Variants in CDH13 observed in about 807,000 individuals in gnomAD.
The protein encoded by CDH13 is cadherin-13.
A neutral mutation model predicts 63.8 loss-of-function variants in CDH13; 24 were observed. The observed-to-expected ratio is 0.38, with a 90% confidence interval of 0.27 to 0.53. CDH13 has a LOEUF of 0.53. Among genes scored for constraint, CDH13 ranks in the 20% least tolerant of loss-of-function variants. CDH13 has a pLI of 0.85. For synonymous variants in CDH13, 503 were observed against 355.3 expected, an observed-to-expected ratio of 1.42 and a Z score of -4.67; for missense variants, 1,049 against 903.1, an observed-to-expected ratio of 1.16 and a Z score of -2.07.
intron 3 of CDH13, among the ~76,000 whole-genome samples, chr16:83,035,288 G>A (rs1033895176): frequency 6.6e-6 from 1 of 152,096 alleles, no homozygotes; most frequent in Non-Finnish European, 1.5e-5. Flanking sequence ...GAGGGAATAC[G>A]AATGTGTGCA....
chr16:83,696,280 T>G (rs1162032042), intron 10 of CDH13, among the ~76,000 whole-genome samples: 1 of 152,204 alleles, frequency 6.6e-6, no homozygotes, highest in African/African-American at 2.4e-5. Context: ...CAGTAGAGTG[T>G]GCAGGTTCGT....
intron 5 of CDH13, among the ~76,000 whole-genome samples, chr16:83,259,167 G>C (rs992423570): frequency 6.6e-6 from 1 of 152,150 alleles, no homozygotes; most frequent in Non-Finnish European, 1.5e-5. Flanking sequence ...TCACTAAGAA[G>C]ATGAGTTGGA....
intron 7 of CDH13, among the ~76,000 whole-genome samples, chr16:83,511,742 A>G (rs2074571572): frequency 6.6e-6 from 1 of 152,184 alleles, no homozygotes; most frequent in African/African-American, 2.4e-5. Flanking sequence ...GAAATCGCAA[A>G]ATAAAAATGG....
At position 83,490,855 on chromosome 16, in the gene CDH13, C is replaced by T. The variant is rs146485431; in HGVS notation, c.960+4200C>T. On this transcript the variant is annotated intron_variant, in intron 7 of 13. Transcript: ENST00000567109. The stretch of plus-strand genomic sequence containing the variant: ...TGTGCGTTTTCCATTACACGCTCAT[C>T]CATTTACTTGTTCGGAAAACCCTAC... Among the ~76,000 whole-genome samples, 131 of 152,316 alleles carry T rather than the reference C, an allele frequency of 8.6e-4. No individual in the cohort carries two copies. The Middle Eastern group carries it at 0.01, about 12-fold the overall frequency.
chr16:83,566,117 G>A (rs1224702313), intron 7 of CDH13, among the ~76,000 whole-genome samples: 2 of 152,242 alleles, frequency 1.3e-5, no homozygotes, highest in East Asian at 3.9e-4. Context: ...GCCCTGAATG[G>A]TATGTTGGGC....
intron 5 of CDH13, among the ~76,000 whole-genome samples, chr16:83,291,474 A>G (rs2089464872): frequency 6.6e-6 from 1 of 152,210 alleles, no homozygotes; most frequent in Non-Finnish European, 1.5e-5. Context: ...AAATTGGGAC[A>G]AAGTCATCAT....
chr16:83,634,666 G>T (rs1911097977), intron 8 of CDH13, among the ~76,000 whole-genome samples: 1 of 152,136 alleles, frequency 6.6e-6, no homozygotes, highest in African/African-American at 2.4e-5. Context: ...CTCCCAAAGT[G>T]CTGGGATTAC....
chr16:83,193,523 A>G (rs1209926002), intron 4 of CDH13, among the ~76,000 whole-genome samples: 2 of 152,186 alleles, frequency 1.3e-5, no homozygotes, highest in Non-Finnish European at 2.9e-5. Flanking sequence ...ATGGGGAGGT[A>G]TAAGGACTCC....
intron 6 of CDH13, among the ~76,000 whole-genome samples, chr16:83,454,362 TA>T (rs1395507297): frequency 6.6e-6 from 1 of 152,238 alleles, no homozygotes; most frequent in East Asian, 1.9e-4. Flanking sequence ...CAGTTTGATT[TA>T]CCTTTTTTAA....
At chr16:82,894,575 G>C (rs1184988832) in intron 2 of CDH13, among the ~76,000 whole-genome samples, 1 of 152,220 alleles carries the variant, frequency 6.6e-6, no homozygotes, top group African/African-American at 2.4e-5. Context: ...CCAGGAGACA[G>C]AGGTTGCAGT....
At chr16:82,669,620 T>C (rs1912999075) in intron 1 of CDH13, among the ~76,000 whole-genome samples, 1 of 152,264 alleles carries the variant, frequency 6.6e-6, no homozygotes. Flanking sequence ...TGACTAATTG[T>C]AGTATGGCCC....
At chr16:83,100,832 G>T (rs1437600604) in intron 3 of CDH13, among the ~76,000 whole-genome samples, 1 of 152,288 alleles carries the variant, frequency 6.6e-6, no homozygotes, top group African/African-American at 2.4e-5. Context: ...GTAAATTTCA[G>T]CCCTCAGCCA....
At chr16:82,760,828 G>C (rs1301536410) in intron 1 of CDH13, among the ~76,000 whole-genome samples, 1 of 151,898 alleles carries the variant, frequency 6.6e-6, no homozygotes, top group Admixed American at 6.6e-5. Context: ...CATGGTGAGA[G>C]AGAGAGCAAG....
At chr16:83,332,659 C>T (rs935543432) in intron 5 of CDH13, among the ~76,000 whole-genome samples, 1 of 152,136 alleles carries the variant, frequency 6.6e-6, no homozygotes, top group Non-Finnish European at 1.5e-5. Context: ...TGGCATAATT[C>T]CATCATCCAA....
chr16:83,222,010 A>G (rs943613912), intron 5 of CDH13, among the ~76,000 whole-genome samples: 7 of 152,166 alleles, frequency 4.6e-5, no homozygotes, highest in African/African-American at 1.7e-4. Flanking sequence ...TGGGGTGAAC[A>G]TGTCTTGAAC....
chr16:82,993,987 T>A (rs1020913640), intron 2 of CDH13, among the ~76,000 whole-genome samples: 3 of 152,148 alleles, frequency 2.0e-5, no homozygotes, highest in African/African-American at 7.2e-5. Flanking sequence ...TCTTTCCCCA[T>A]CATTATATCC....
At chr16:83,776,759 T>G (rs932659946) in intron 11 of CDH13, among the ~76,000 whole-genome samples, 2 of 152,286 alleles carry the variant, frequency 1.3e-5, no homozygotes, top group Admixed American at 1.3e-4. Flanking sequence ...TAATTATGGG[T>G]CATTGACTCC....
At chr16:83,081,587 C>G (rs778959509) in intron 3 of CDH13, among the ~76,000 whole-genome samples, 3 of 152,096 alleles carry the variant, frequency 2.0e-5, no homozygotes, top group Non-Finnish European at 2.9e-5. Flanking sequence ...GTTCTGGAGA[C>G]CAGAAGTTAC....
chr16:83,310,940 C>T (rs1469363791), intron 5 of CDH13, among the ~76,000 whole-genome samples: 3 of 152,212 alleles, frequency 2.0e-5, no homozygotes, highest in African/African-American at 7.2e-5. Context: ...CCCAATCCAC[C>T]TGACAGGAAG....
Sources: gnomAD v4.1 joint callset for allele counts (sites outside exome capture counted in the v4.1 genomes callset) on GRCh38, gnomAD v4.1.1 for gene constraint, MANE v1.5 for transcripts, NCBI Gene and HGNC (gene_info 2026-07-23, HGNC 2026-07-21) for gene names.